BTBD18: variants seen among roughly 807,000 people sequenced by gnomAD.
BTBD18 encodes BTB/POZ domain-containing protein 18.
For synonymous variants in BTBD18, 311 were observed against 324.4 expected (o/e 0.96, Z 0.44); for missense variants, 787 against 846.3 (o/e 0.93, Z 0.87).
chr11:57,748,131 A>G (rs1949232252), intron 2 of BTBD18, among the ~76,000 whole-genome samples: 1 of 152,088 alleles, frequency 6.6e-6, no homozygotes, highest in Non-Finnish European at 1.5e-5. Flanking sequence ...TACATTGCCT[A>G]GGCTGGTCTT....
intron 2 of BTBD18, 142 bp downstream of exon 2, chr11:57,750,923 A>G: frequency 1.7e-6 from 1 of 577,866 alleles, no homozygotes; most frequent in Non-Finnish European, 2.7e-6. Flanking sequence ...ATTGTCCTAG[A>G]AACAAACAGC....
intron 2 of BTBD18, among the ~76,000 whole-genome samples, chr11:57,749,216 G>T (rs748621685): frequency 2.0e-5 from 3 of 152,118 alleles, no homozygotes; most frequent in Non-Finnish European, 4.4e-5. Context: ...CTGGATTTTT[G>T]AATGTCTTCC....
At position 57,744,336 on chromosome 11, in the gene BTBD18, T is replaced by G; in HGVS notation, c.1937A>C (p.Glu646Ala). Residue 646 changes from glutamate to alanine, a missense_variant, in exon 3 of 3, where the codon GAG becomes GCG. Glu to Ala is a moderately radical substitution (Grantham distance 107). Coordinates refer to ENST00000422652, the MANE Select transcript of BTBD18 (RefSeq NM_001145101.3). Reference sequence around the variant, plus strand: ...TGCCTTGGGAGAAGGGTATAATAACTCATCTGTAGTCAAGGAGACTTCCAG... The same window carrying G: ...TGCCTTGGGAGAAGGGTATAATAACGCATCTGTAGTCAAGGAGACTTCCAG... ...TGLEVSLTTDELLYPSPKAGK... is the reference protein window; with the variant it reads ...TGLEVSLTTDALLYPSPKAGK... The G allele has an allele frequency of 6.4e-7, 1 of 1,551,542 alleles. No homozygotes were observed. The highest frequency in any genetic ancestry group is 8.7e-7 in the Non-Finnish European group (1 of 1,146,938).
At position 57,745,542 on chromosome 11, in the gene BTBD18, A is replaced by G. The variant is rs945477818; in HGVS notation, c.731T>C (p.Val244Ala). 1 of 1,550,190 alleles carries G rather than the reference A, an allele frequency of 6.5e-7. No individual in the cohort carries two copies. Among genetic ancestry groups the G allele is most frequent in the African/African-American group, 1.4e-5 (1 of 73,170 alleles). ...NKNDTALDPT[V>A]LSPPSLYPSV... ...GGGGTACAAGCTGGGTGGGGAGAGC[A>G]CTGTAGGATCAAGGGCAGTGTCATT... Residue 244 changes from valine (V) to alanine (A), a missense_variant, in exon 3 of 3, where the codon GTG (valine) becomes GCG (alanine). By Grantham distance (64) the Val-to-Ala change is moderately conservative. Coordinates refer to ENST00000422652, the MANE Select transcript of BTBD18 (RefSeq NM_001145101.3).
intron 1 of BTBD18, 128 bp from the exon 2 acceptor site, chr11:57,751,364 G>A: frequency 2.1e-6 from 1 of 484,324 alleles, no homozygotes; most frequent in Non-Finnish European, 3.5e-6. Context: ...CCCAGAAATT[G>A]TGCCAAGGAT....
At chr11:57,750,247 C>T (rs766729302) in intron 2 of BTBD18, among the ~76,000 whole-genome samples, 11 of 151,914 alleles carry the variant, frequency 7.2e-5, no homozygotes, top group Admixed American at 5.9e-4. Context: ...TGTGGTGGCA[C>T]GCACCTGTAG....
In BTBD18 at chr11:57,744,356, T is replaced by A; in HGVS notation, c.1917A>T (p.Glu639Asp). ...PCSNWVETGL[E>D]VSLTTDELLY... Reference sequence around the variant, plus strand: ...ATAACTCATCTGTAGTCAAGGAGACTTCCAGCCCAGTCTCCACCCAGTTTG... The same window carrying A: ...ATAACTCATCTGTAGTCAAGGAGACATCCAGCCCAGTCTCCACCCAGTTTG... The change falls in exon 3 of 3, where the codon GAA becomes GAT. Residue 639 changes from glutamate to aspartate, a missense_variant. By Grantham distance (45) the Glu-to-Asp change is conservative. Transcript: ENST00000422652. 1.3e-6 allele frequency: 2 copies of A among 1,551,678 alleles called. No individual in the cohort carries two copies. Among genetic ancestry groups the A allele is most frequent in the South Asian group, 2.4e-5 (2 of 84,068 alleles).
rs1949316164 is a variant in BTBD18, at chr11:57,751,776, A to AAC, written c.-286_-285dup. The AAC allele has an allele frequency of 6.6e-6, 1 of 152,220 alleles. No homozygotes were observed. The allele number at this position is 152,220 out of a possible 1,614,324, so 9.4% of individuals were successfully genotyped here. A position where few individuals can be genotyped will look rare whatever the true frequency, so the allele number is the denominator to read the frequency against. ...ATCTTCAAGTTAACACTTTTAAGGA[A>AAC]ACATTACTGGGTATAAAATTATCTC... On this transcript the variant is annotated 5_prime_UTR_variant, in exon 1 of 3. An upstream open reading frame in the 5' UTR loses its in-frame stop. Coordinates refer to ENST00000422652, the MANE Select transcript of BTBD18 (RefSeq NM_001145101.3).
At position 57,746,157 on chromosome 11, in the gene BTBD18, A is replaced by C; in HGVS notation, c.125-9T>G. ...AGCTGGAACTGCCTCACCTGAAGGG[A>C]AACCCAAATACTTTTGTTATCAGGT... On this transcript the variant is annotated splice_polypyrimidine_tract_variant and intron_variant, in intron 2 of 2. Transcript: ENST00000422652. 1 of 1,529,412 alleles carries C rather than the reference A, an allele frequency of 6.5e-7. No homozygotes were observed. The highest frequency in any genetic ancestry group is 8.8e-7 in the Non-Finnish European group (1 of 1,136,200). 94.7% of individuals were successfully genotyped at this position (1,529,412 alleles called of 1,614,324 possible). A position where few individuals can be genotyped will look rare whatever the true frequency, so the allele number is the denominator to read the frequency against.
intron 2 of BTBD18, 26 bp from the exon 3 acceptor site, chr11:57,746,174 T>G (rs1949184191): frequency 6.6e-7 from 1 of 1,503,836 alleles, no homozygotes; most frequent in Non-Finnish European, 8.9e-7. Context: ...AATACTTTTG[T>G]TATCAGGTAG....
rs1949156710 is a variant in BTBD18, at chr11:57,744,756, T to G, written c.1517A>C (p.Asp506Ala). Residue 506 changes from aspartate (D) to alanine (A), a missense_variant, in exon 3 of 3, where the codon GAC becomes GCC. Coordinates refer to ENST00000422652, the MANE Select transcript of BTBD18 (RefSeq NM_001145101.3). ...CAGAGACCCTATAGGTGGTTCAATG[T>G]CTGAGCCACAGAGCATGAAGTCCAG... The part of the protein sequence containing the change: ...EILDFMLCGS[D>A]IEPPIGSLES... 6.4e-7 allele frequency: 1 copy of G among 1,551,718 alleles called. No homozygotes were observed. Among genetic ancestry groups the G allele is most frequent in the African/African-American group, 1.4e-5 (1 of 73,166 alleles).
chr11:57,750,492 T>G (rs1445219145), intron 2 of BTBD18, among the ~76,000 whole-genome samples: 1 of 152,260 alleles, frequency 6.6e-6, no homozygotes, highest in East Asian at 1.9e-4. Context: ...GGCCAGGAGT[T>G]TGAGACCAGC....
At chr11:57,753,025 C>T (rs1169221864), upstream of BTBD18, among the ~76,000 whole-genome samples, 5 of 152,264 alleles carry the variant, frequency 3.3e-5, no homozygotes, top group Non-Finnish European at 7.3e-5. Flanking sequence ...CAGCCCCTGG[C>T]GCCCTTGTAT....
At chr11:57,752,534 A>G (rs1425684663), upstream of BTBD18, among the ~76,000 whole-genome samples, 1 of 152,192 alleles carries the variant, frequency 6.6e-6, no homozygotes, top group Non-Finnish European at 1.5e-5. Flanking sequence ...CAAAAAAAAA[A>G]AAAAAATTCC....
chr11:57,750,957 G>T, intron 2 of BTBD18, 108 bp downstream of exon 2: 1 of 899,618 alleles, frequency 1.1e-6, no homozygotes, highest in African/African-American at 1.7e-5. Flanking sequence ...GTTTACAGTG[G>T]TCATAGGCAG....
intron 2 of BTBD18, among the ~76,000 whole-genome samples, chr11:57,748,576 A>T (rs1432962339): frequency 6.6e-6 from 1 of 151,580 alleles, no homozygotes; most frequent in Non-Finnish European, 1.5e-5. Flanking sequence ...AAAAAAAAAA[A>T]GAATTTGAGC....
rs1949161935 is a variant in BTBD18 at position 57,745,056 on chromosome 11, T to G, written c.1217A>C (p.Glu406Ala). 2 of 1,551,706 alleles carry G rather than the reference T, an allele frequency of 1.3e-6. No homozygotes were observed. The highest frequency in any genetic ancestry group is 1.7e-6 in the Non-Finnish European group (2 of 1,146,988). ...PSGTQPFSSN[E>A]QEMSPTRTEL... is the part of the protein sequence containing the mutation. ...TGTTCTAGTAGGTGACATTTCCTGCTCATTACTGGAGAATGGCTGAGTTCC... is the reference window on the plus strand; with the variant it reads ...TGTTCTAGTAGGTGACATTTCCTGCGCATTACTGGAGAATGGCTGAGTTCC... The change falls in exon 3 of 3, where the codon GAG becomes GCG. Residue 406 changes from glutamate to alanine, a missense_variant. Glu to Ala is a moderately radical substitution (Grantham distance 107, BLOSUM62 -1). Transcript: ENST00000422652.
At chr11:57,749,745 CAAAAAAAAA>C (rs576323420) in intron 2 of BTBD18, among the ~76,000 whole-genome samples, 2 of 62,944 alleles carry the variant, frequency 3.2e-5, no homozygotes, top group African/African-American at 6.3e-5. Flanking sequence ...GCAAGAATCT[CAAAAAAAAA>C]AAAAAAAAAA....
chr11:57,746,394 A>C (rs965705669), intron 2 of BTBD18, among the ~76,000 whole-genome samples: 1 of 149,006 alleles, frequency 6.7e-6, no homozygotes, highest in Non-Finnish European at 1.5e-5. Flanking sequence ...CAGTGGTGCA[A>C]TCTCAGCTCA....
Sources: allele counts gnomAD v4.1 joint callset (sites outside exome capture counted in the v4.1 genomes callset), GRCh38; gene constraint gnomAD v4.1.1; transcripts MANE v1.5; gene names NCBI Gene and HGNC (gene_info 2026-07-23, HGNC 2026-07-21).